The following NFATC3 variants were observed in gnomAD, a reference collection of about 807,000 sequenced individuals.
NFATC3 encodes nuclear factor of activated T cells 3, also known as nuclear factor of activated T-cells, cytoplasmic 3.
NFATC3 carries 46 observed loss-of-function variants against 98.6 expected under a neutral mutation model. That is an observed-to-expected ratio of 0.47 (90% CI 0.37 to 0.60). NFATC3 has a LOEUF of 0.60. NFATC3 is among the 20% of genes least tolerant of loss of function. The pLI is 0.00. For missense variants in NFATC3, 1,256 were observed against 1,295.5 expected, an observed-to-expected ratio of 0.97 and a Z score of 0.47; for synonymous variants, 512 against 472.2, an observed-to-expected ratio of 1.08 and a Z score of -1.09.
At chr16:68,192,245 ATATATATATGTATG>A in intron 9 of NFATC3, 1 of 114,004 alleles carries the variant, frequency 8.8e-6, no homozygotes, top group Non-Finnish European at 1.9e-5. Context: ...ATATATATAT[ATATATATATGTATG>A]TGTATATATA....
At chr16:68,181,571 C>A (rs761456404) in intron 7 of NFATC3, 41 bp downstream of exon 7, 3 of 1,374,574 alleles carry the variant, frequency 2.2e-6, no homozygotes, top group Non-Finnish European at 3.1e-6. Flanking sequence ...ATTTAAGACA[C>A]TGAATAGAAA....
chr16:68,223,015 C>T (rs914113210), intron 9 of NFATC3, among the ~76,000 whole-genome samples: 2 of 152,174 alleles, frequency 1.3e-5, no homozygotes, highest in Non-Finnish European at 2.9e-5. Context: ...TATTCCCTCT[C>T]TATGTACTGT....
chr16:68,103,448 C>T (rs535118337), intron 1 of NFATC3, among the ~76,000 whole-genome samples: 1 of 152,256 alleles, frequency 6.6e-6, no homozygotes, highest in East Asian at 1.9e-4. Context: ...GGGCTCAAGT[C>T]ATCTGCCTGC....
chr16:68,109,580 T>A (rs112529313), intron 1 of NFATC3, among the ~76,000 whole-genome samples: 1 of 152,166 alleles, frequency 6.6e-6, no homozygotes, highest in Non-Finnish European at 1.5e-5. Flanking sequence ...AGGATAATGC[T>A]GGCCTCATAA....
chr16:68,203,076 T>A (rs558950518), intron 9 of NFATC3, among the ~76,000 whole-genome samples: 1 of 152,250 alleles, frequency 6.6e-6, no homozygotes, highest in African/African-American at 2.4e-5. Context: ...TTGTAAATAA[T>A]GCCTATGTAG....
At chr16:68,189,794 TG>T (rs2040359766) in intron 8 of NFATC3, among the ~76,000 whole-genome samples, 1 of 152,254 alleles carries the variant, frequency 6.6e-6, no homozygotes, top group Non-Finnish European at 1.5e-5. Flanking sequence ...CTATGCACAG[TG>T]GCTTATGCCT....
At chr16:68,224,594 T>TTTTTTG in intron 9 of NFATC3, 1 of 146,628 alleles carries the variant, frequency 6.8e-6, no homozygotes, top group Non-Finnish European at 1.5e-5. Flanking sequence ...TTTTTTTTTT[T>TTTTTTG]TGAGATGGAG....
At chr16:68,115,330 G>A (rs2036217382) in intron 1 of NFATC3, among the ~76,000 whole-genome samples, 1 of 152,098 alleles carries the variant, frequency 6.6e-6, no homozygotes, top group African/African-American at 2.4e-5. Flanking sequence ...CCAAATTGCT[G>A]GGATTATAGG....
chr16:68,106,301 T>G (rs1191680555), intron 1 of NFATC3, among the ~76,000 whole-genome samples: 1 of 151,830 alleles, frequency 6.6e-6, no homozygotes, highest in Non-Finnish European at 1.5e-5. Flanking sequence ...TTTTTCTTTT[T>G]TTTTTTTCGA....
At chr16:68,106,190 A>G (rs1365680152) in intron 1 of NFATC3, among the ~76,000 whole-genome samples, 1 of 152,118 alleles carries the variant, frequency 6.6e-6, no homozygotes, top group African/African-American at 2.4e-5. Flanking sequence ...TATTCTTATT[A>G]TCATAGTATT....
At chr16:68,162,670 T>C (rs2151585462) in intron 4 of NFATC3, among the ~76,000 whole-genome samples, 1 of 151,550 alleles carries the variant, frequency 6.6e-6, no homozygotes, top group East Asian at 1.9e-4. Context: ...ATAAAATACA[T>C]AAGTGTTCCG....
At chr16:68,202,594 C>T (rs185286014) in intron 9 of NFATC3, among the ~76,000 whole-genome samples, 2 of 152,114 alleles carry the variant, frequency 1.3e-5, no homozygotes, top group Admixed American at 6.5e-5. Context: ...GGTAGATCGC[C>T]TGAGGTCAAG....
At chr16:68,221,982 TATAAG>T (rs1236175424) in intron 9 of NFATC3, among the ~76,000 whole-genome samples, 1 of 152,048 alleles carries the variant, frequency 6.6e-6, no homozygotes, top group Admixed American at 6.6e-5. Flanking sequence ...ATTGACTTCT[TATAAG>T]ATATAGAAGA....
chr16:68,139,885 G>A (rs1168658100), intron 3 of NFATC3, among the ~76,000 whole-genome samples: 1 of 152,172 alleles, frequency 6.6e-6, no homozygotes, highest in Non-Finnish European at 1.5e-5. Flanking sequence ...GTTTAATGGA[G>A]GAAATTCAGA....
Position 68,194,782 on chromosome 16 carries a change from G to T in NFATC3, c.3106+3007G>T, listed in dbSNP as rs369308939. ...TTTACCACAGGTTGAGAGATTTGGG[G>T]GTAGAGGGTCGGATAGGCAACAAAT... On this transcript the variant is annotated intron_variant, in intron 9 of 9. Coordinates refer to ENST00000346183, the MANE Select transcript of NFATC3 (RefSeq NM_173165.3). Among the ~76,000 whole-genome samples the T allele has an allele frequency of 1.5e-4, 23 of 152,196 alleles. No individual in the cohort carries two copies. In the East Asian group the frequency reaches 1.5e-3, roughly 10 times the overall value.
At chr16:68,188,015 C>T (rs770696973) in intron 8 of NFATC3, among the ~76,000 whole-genome samples, 17 of 152,174 alleles carry the variant, frequency 1.1e-4, no homozygotes, top group Admixed American at 2.0e-4. Flanking sequence ...AGCCCTACCT[C>T]GACCTCCCTC....
intron 9 of NFATC3, among the ~76,000 whole-genome samples, chr16:68,206,297 A>G (rs937271041): frequency 2.0e-5 from 3 of 152,224 alleles, no homozygotes; most frequent in African/African-American, 7.2e-5. Flanking sequence ...GCTAAGTGGC[A>G]TTAAATACAT....
intron 1 of NFATC3, among the ~76,000 whole-genome samples, chr16:68,120,711 C>T (rs1020038506): frequency 6.6e-6 from 1 of 151,622 alleles, no homozygotes; most frequent in African/African-American, 2.4e-5. Flanking sequence ...CCAGCCTGGG[C>T]GACAGAGCAA....
At chr16:68,224,120 C>T (rs1049980114) in intron 9 of NFATC3, among the ~76,000 whole-genome samples, 4 of 130,232 alleles carry the variant, frequency 3.1e-5, no homozygotes, top group African/African-American at 1.2e-4. Flanking sequence ...GTGGCATGCA[C>T]CAGTTTAAAA....
Sources: gnomAD v4.1 joint callset for allele counts (sites outside exome capture counted in the v4.1 genomes callset) on GRCh38, gnomAD v4.1.1 for gene constraint, MANE v1.5 for transcripts, NCBI Gene and HGNC (gene_info 2026-07-23, HGNC 2026-07-21) for gene names.